MYL2: variants seen among roughly 807,000 people sequenced by gnomAD.
MYL2 encodes myosin regulatory light chain 2, ventricular/cardiac muscle isoform.
Under a neutral mutation model 23.0 loss-of-function variants are expected in MYL2, and 19 were observed. The observed-to-expected ratio is 0.83, with a 90% confidence interval of 0.58 to 1.21. The LOEUF (loss-of-function observed/expected upper bound fraction) is 1.21, where lower values mean the gene tolerates loss of function less well. Among genes scored for constraint, MYL2 ranks in the 50% most tolerant of loss-of-function variants. The pLI, the probability that MYL2 is intolerant of heterozygous loss-of-function variation, is 0.00. For synonymous variants in MYL2, 78 were observed against 76.2 expected, an observed-to-expected ratio of 1.02 and a Z score of -0.13; for missense variants, 180 against 215.1, an observed-to-expected ratio of 0.84 and a Z score of 1.02.
intron 1 of MYL2, 145 bp from the exon 2 acceptor site, chr12:110,919,338 T>C (rs2071705972): frequency 1.5e-6 from 1 of 661,438 alleles, no homozygotes; most frequent in African/African-American, 1.8e-5. Flanking sequence ...CACTCAGGTC[T>C]CCAAACGGTG....
At chr12:110,917,507 A>AACAAACAAACAAG (rs2071694810) in intron 2 of MYL2, among the ~76,000 whole-genome samples, 1 of 150,280 alleles carries the variant, frequency 6.7e-6, no homozygotes, top group Admixed American at 6.6e-5. Flanking sequence ...AAACAAACAA[A>AACAAACAAACAAG]CAAACAAACA....
chr12:110,917,600 G>T (rs561141954), intron 2 of MYL2, among the ~76,000 whole-genome samples: 11 of 152,322 alleles, frequency 7.2e-5, no homozygotes, highest in South Asian at 2.1e-4. Context: ...GATGCCAGAG[G>T]CTGGGAAAAG....
At chr12:110,914,587 C>T (rs975173326) in intron 3 of MYL2, among the ~76,000 whole-genome samples, 15 of 152,126 alleles carry the variant, frequency 9.9e-5, no homozygotes, top group African/African-American at 1.7e-4. Context: ...GGTACAATCT[C>T]GACTCACTGT....
rs2136777488 is a variant in MYL2, at chr12:110,919,186, T to C, written c.11A>G (p.Lys4Arg). MAP[K>R]KAKKRAGGAN... The stretch of plus-strand genomic sequence containing the variant: ...GCCCCCGGCTCTCTTCTTTGCTTTC[T>C]TAGGTGCCTGGGGGAAAAAAGCATC... The change falls in exon 2 of 7, where the codon AAG (lysine) becomes AGG (arginine). Residue 4 changes from lysine to arginine, a missense_variant. Lys to Arg is a conservative substitution (Grantham distance 26). Transcript: ENST00000228841. 6.2e-7 allele frequency: 1 copy of C among 1,613,380 alleles called. No homozygotes were observed. The highest frequency in any genetic ancestry group is 2.2e-5 in the East Asian group (1 of 44,886).
At chr12:110,917,911 C>T (rs530769137) in intron 2 of MYL2, among the ~76,000 whole-genome samples, 1 of 152,214 alleles carries the variant, frequency 6.6e-6, no homozygotes, top group South Asian at 2.1e-4. Flanking sequence ...CAGGGGGACT[C>T]AATCTTTACA....
chr12:110,920,684 C>T, upstream of MYL2: 1 of 1,060,574 alleles, frequency 9.4e-7, no homozygotes, highest in South Asian at 1.3e-5. Context: ...ACCTAAGGCC[C>T]CCCCACCCCA....
chr12:110,919,202 A>G lies in MYL2; in HGVS notation c.4-9T>C, dbSNP rs758688050. 6.8e-6 allele frequency: 11 copies of G among 1,612,106 alleles called. No individual in the cohort carries two copies. The highest frequency in any genetic ancestry group is 1.1e-5 in the South Asian group (1 of 90,910). ...TTTGCTTTCTTAGGTGCCTGGGGGA[A>G]AAAAGCATCGATTAAAAGAGTGAGA... On this transcript the variant is annotated splice_polypyrimidine_tract_variant and intron_variant, in intron 1 of 6. Transcript: ENST00000228841.
chr12:110,920,766 G>A (rs2071718890), upstream of MYL2: 1 of 617,614 alleles, frequency 1.6e-6, no homozygotes, highest in Non-Finnish European at 2.9e-6. Context: ...AGGCATTCAA[G>A]GTTAAAGAGG....
chr12:110,919,928 G>A (rs1326566671), intron 1 of MYL2, among the ~76,000 whole-genome samples: 1 of 152,096 alleles, frequency 6.6e-6, no homozygotes, highest in Admixed American at 6.6e-5. Context: ...AGAGAGGTTG[G>A]GTCACTTGCC....
intron 6 of MYL2, 42 bp from the exon 7 acceptor site, chr12:110,911,217 GAACTGAGACGGA>G: frequency 1.5e-6 from 1 of 680,770 alleles, no homozygotes; most frequent in Non-Finnish European, 2.5e-6. Flanking sequence ...GAGGGGAGGG[GAACTGAGACGGA>G]GGGTGGGGGG....
At chr12:110,911,430 G>A (rs1279555998) in intron 6 of MYL2, among the ~76,000 whole-genome samples, 1 of 152,176 alleles carries the variant, frequency 6.6e-6, no homozygotes, top group Non-Finnish European at 1.5e-5. Flanking sequence ...CGGCCATCTC[G>A]CCCAACTTGG....
At position 110,913,082 on chromosome 12, in the gene MYL2, A is replaced by G; in HGVS notation, c.402+14T>C. On this transcript the variant is annotated intron_variant, in intron 6 of 6. Transcript: ENST00000228841. Reference sequence around the variant, plus strand: ...GGAGCTGGGTTAGAGGGAGTGCTTGAAGGACCCCATTACCTCCTCCTTGGA... The same window carrying G: ...GGAGCTGGGTTAGAGGGAGTGCTTGGAGGACCCCATTACCTCCTCCTTGGA... 1 of 1,614,148 alleles carries G rather than the reference A, an allele frequency of 6.2e-7. No homozygotes were observed. Among genetic ancestry groups the G allele is most frequent in the Non-Finnish European group, 8.5e-7 (1 of 1,180,004 alleles).
rs766528306 is a variant in MYL2, at chr12:110,920,515, C to T, written c.3+12G>A. On this transcript the variant is annotated intron_variant, in intron 1 of 6. Transcript: ENST00000228841. ...ACCCGGCATCATCACCTCCTGGAGC[C>T]CTTGTACTCACCATGGTGGAAAGGA... 1 of 1,614,164 alleles carries T rather than the reference C, an allele frequency of 6.2e-7. No individual in the cohort carries two copies. The highest frequency in any genetic ancestry group is 8.5e-7 in the Non-Finnish European group (1 of 1,180,038).
chr12:110,911,171 T>G lies in MYL2; in HGVS notation c.407A>C (p.Asp136Ala). The change falls in exon 7 of 7, where the codon GAC (aspartate) becomes GCC (alanine). Residue 136 changes from aspartate to alanine, a missense_variant. Physicochemically the swap from Asp to Ala is moderately radical, Grantham distance 126 (BLOSUM62 -2). Transcript: ENST00000228841. ...AGGGGGGAAGGCGGCGAACATCTGGTCAACCTGCAATGAGCCAGCAACACG... is the reference window on the plus strand; with the variant it reads ...AGGGGGGAAGGCGGCGAACATCTGGGCAACCTGCAATGAGCCAGCAACACG... ...QAERFSKEEV[D>A]QMFAAFPPDV... The G allele has an allele frequency of 6.8e-7, 1 of 1,474,252 alleles. No individual in the cohort carries two copies. Among genetic ancestry groups the G allele is most frequent in the Non-Finnish European group, 9.1e-7 (1 of 1,094,874 alleles). 91.3% of individuals were successfully genotyped at this position (1,474,252 alleles called of 1,614,324 possible). A position where few individuals can be genotyped will look rare whatever the true frequency, so the allele number is the denominator to read the frequency against.
chr12:110,917,383 C>T (rs570440793), intron 2 of MYL2, among the ~76,000 whole-genome samples: 1 of 151,840 alleles, frequency 6.6e-6, no homozygotes, highest in East Asian at 2.0e-4. Flanking sequence ...CACTTGAGGC[C>T]AGGAGTTTGA....
chr12:110,918,434 C>T lies in MYL2; in HGVS notation c.93+670G>A, dbSNP rs753955011. ...GTTGATGGAAATGTGGGGAAAGGCA[C>T]GAGGCTGCTGGGCATAGGAATTAGT... On this transcript the variant is annotated intron_variant, in intron 2 of 6. Transcript: ENST00000228841. The surrounding 1 kb of genome is among the most constrained non-coding windows in gnomAD (Gnocchi z 4.4). 2.0e-5 allele frequency among the ~76,000 whole-genome samples: 3 copies of T among 151,984 alleles called. No homozygotes were observed. Among genetic ancestry groups the T allele is most frequent in the Admixed American group, 6.6e-5 (1 of 15,260 alleles).
In MYL2 at chr12:110,910,873, G is replaced by T; in HGVS notation, c.*204C>A. 2 of 610,876 alleles carry T rather than the reference G, an allele frequency of 3.3e-6. 1 individual carries two copies. The highest frequency in any genetic ancestry group is 8.6e-4 in the Middle Eastern group (2 of 2,326). The allele number at this position is 610,876 out of a possible 1,614,324, so 37.8% of individuals were successfully genotyped here. On this transcript the variant is annotated 3_prime_UTR_variant, in exon 7 of 7. Coordinates refer to ENST00000228841, the MANE Select transcript of MYL2 (RefSeq NM_000432.4). ...ACGACCTCCTGTTTATTGGAACATG[G>T]CCTCTGGATGGATTTCCAACTGTAG...
chr12:110,921,127 G>A (rs1378344721), upstream of MYL2, among the ~76,000 whole-genome samples: 6 of 152,246 alleles, frequency 3.9e-5, no homozygotes, highest in East Asian at 3.9e-4. Flanking sequence ...GGGAGGCCGA[G>A]GCGGGAAGAT....
At chr12:110,920,582 C>G, upstream of MYL2, 2 of 1,613,950 alleles carry the variant, frequency 1.2e-6, no homozygotes, top group Non-Finnish European at 8.5e-7. Context: ...CTCCGCCCAG[C>G]TCTCTGCAGC....
Sources: gnomAD v4.1 joint callset for allele counts (sites outside exome capture counted in the v4.1 genomes callset) on GRCh38, gnomAD v4.1.1 for gene constraint, Gnocchi (gnomAD v3.1) non-coding constraint, MANE v1.5 for transcripts, NCBI Gene and HGNC (gene_info 2026-07-23, HGNC 2026-07-21) for gene names.